B3GALT1: variants seen among roughly 807,000 people sequenced by gnomAD.
B3GALT1 encodes the protein beta-1,3-galactosyltransferase 1, also known as UDP-Gal:betaGlcNAc beta 1,3-galactosyltransferase, polypeptide 1.
Under a neutral mutation model 23.2 loss-of-function variants are expected in B3GALT1, and 10 were observed. The observed-to-expected ratio is 0.43, with a 90% CI of 0.27 to 0.73. B3GALT1 has a LOEUF of 0.73. Among genes scored for constraint, B3GALT1 ranks in the 30% least tolerant of loss-of-function variants. The probability of loss-of-function intolerance (pLI) is 0.21; values close to 1 mark genes in which losing one functional copy is unlikely to be tolerated. For synonymous variants in B3GALT1, 156 were observed against 141.5 expected, an observed-to-expected ratio of 1.10 and a Z score of -0.73; for missense variants, 299 against 405.4, an observed-to-expected ratio of 0.74 and a Z score of 2.25.
At position 167,869,549 on chromosome 2, in the gene B3GALT1, C is replaced by A; in HGVS notation, c.510C>A (p.Ala170=). 6.2e-7 allele frequency: 1 copy of A among 1,614,034 alleles called. No homozygotes were observed. Reference sequence around the variant, plus strand: ...GGGTGGCCACTTTTTGTTCAAAAGCCAAGTATGTCATGAAAACAGACAGCG... The same window carrying A: ...GGGTGGCCACTTTTTGTTCAAAAGCAAAGTATGTCATGAAAACAGACAGCG... ...MRWVATFCSK[A]KYVMKTDSDI... is the part of the protein sequence containing the mutation. The change falls in exon 5 of 5, where the codon GCC becomes GCA. Residue 170 remains alanine, a synonymous_variant. Coordinates refer to ENST00000392690, the MANE Select transcript of B3GALT1 (RefSeq NM_020981.4). The surrounding 1 kb of genome is among the most constrained non-coding windows in gnomAD (Gnocchi z 6.4).
chr2:167,828,841 A>G (rs1006599061), intron 4 of B3GALT1, among the ~76,000 whole-genome samples: 2 of 152,188 alleles, frequency 1.3e-5, no homozygotes, highest in East Asian at 3.9e-4. Context: ...TTCCAGGAGT[A>G]ATATGTGTGT....
At chr2:167,662,172 A>G (rs1686071430) in intron 3 of B3GALT1, among the ~76,000 whole-genome samples, 1 of 152,064 alleles carries the variant, frequency 6.6e-6, no homozygotes, top group Admixed American at 6.6e-5. Flanking sequence ...ATATTGTTAT[A>G]ATAACATTAT....
chr2:167,787,679 C>T (rs1574262443), intron 3 of B3GALT1, among the ~76,000 whole-genome samples: 1 of 152,212 alleles, frequency 6.6e-6, no homozygotes, highest in South Asian at 2.1e-4. Context: ...CCTATCCCAG[C>T]ACCATTCCAG....
At chr2:167,479,070 A>T (rs1444717183) in intron 1 of B3GALT1, among the ~76,000 whole-genome samples, 1 of 152,016 alleles carries the variant, frequency 6.6e-6, no homozygotes, top group Non-Finnish European at 1.5e-5. Context: ...GCTCAAAAAT[A>T]AATAAATAAG....
intron 3 of B3GALT1, chr2:167,714,042 G>A: frequency 1.9e-6 from 3 of 1,539,360 alleles, no homozygotes; most frequent in South Asian, 2.2e-5. Context: ...GATGAATCAG[G>A]CACATTTAAA....
At chr2:167,610,762 G>A (rs1685049073) in intron 2 of B3GALT1, among the ~76,000 whole-genome samples, 1 of 151,700 alleles carries the variant, frequency 6.6e-6, no homozygotes, top group South Asian at 2.1e-4. Context: ...CTAGTAGTGG[G>A]ACCAAAAAGA....
chr2:167,506,948 T>C (rs1448046839), intron 2 of B3GALT1, among the ~76,000 whole-genome samples: 1 of 152,140 alleles, frequency 6.6e-6, no homozygotes, highest in Non-Finnish European at 1.5e-5. Flanking sequence ...GGGACAAGAC[T>C]ATGGAAGCCT....
chr2:167,558,846 T>G (rs2105386490), intron 2 of B3GALT1, among the ~76,000 whole-genome samples: 1 of 152,328 alleles, frequency 6.6e-6, no homozygotes, highest in South Asian at 2.1e-4. Flanking sequence ...CAAGGAGGCC[T>G]GCCTGCCTCT....
At chr2:167,834,416 T>TTGGCTTGTCC (rs1400125115) in intron 4 of B3GALT1, among the ~76,000 whole-genome samples, 1 of 152,208 alleles carries the variant, frequency 6.6e-6, no homozygotes, top group Non-Finnish European at 1.5e-5. Flanking sequence ...TGGAGAAAGA[T>TTGGCTTGTCC]TGGCTTGTCC....
chr2:167,780,349 C>G (rs889038658), intron 3 of B3GALT1, among the ~76,000 whole-genome samples: 3 of 152,142 alleles, frequency 2.0e-5, no homozygotes, highest in African/African-American at 7.2e-5. Context: ...AGTGTGCTTT[C>G]AACAATCAAC....
At chr2:167,648,776 A>G (rs1330871372) in intron 3 of B3GALT1, among the ~76,000 whole-genome samples, 1 of 152,088 alleles carries the variant, frequency 6.6e-6, no homozygotes, top group Non-Finnish European at 1.5e-5. Flanking sequence ...GGTAGCCCCC[A>G]TTTAATTGCT....
intron 3 of B3GALT1, among the ~76,000 whole-genome samples, chr2:167,766,999 T>C (rs1396195077): frequency 2.6e-5 from 4 of 152,198 alleles, no homozygotes; most frequent in Non-Finnish European, 5.9e-5. Flanking sequence ...AGGATTGTAC[T>C]GGGAAAGGCA....
chr2:167,490,968 TAAAG>T (rs1354163500), intron 2 of B3GALT1, among the ~76,000 whole-genome samples: 2 of 152,162 alleles, frequency 1.3e-5, no homozygotes, highest in African/African-American at 2.4e-5. Context: ...AACAAAATGA[TAAAG>T]AAGCTCTTCC....
At position 167,847,168 on chromosome 2, in the gene B3GALT1, A is replaced by G. The variant is rs139395349; in HGVS notation, c.-229-21643A>G. Reference sequence around the variant, plus strand: ...AACACAATAATCATGGGGGATTTCAATACTCCACTGACAGCACTAGACAGG... The same window carrying G: ...AACACAATAATCATGGGGGATTTCAGTACTCCACTGACAGCACTAGACAGG... On this transcript the variant is annotated intron_variant, in intron 4 of 4. Transcript: ENST00000392690. Among the ~76,000 whole-genome samples the G allele has an allele frequency of 9.6e-3, 1,462 of 152,338 alleles. 40 individuals are homozygous for G. Among genetic ancestry groups the G allele is most frequent in the East Asian group, 0.055 (285 of 5,180 alleles).
At chr2:167,526,183 G>A (rs1683216774) in intron 2 of B3GALT1, among the ~76,000 whole-genome samples, 1 of 150,588 alleles carries the variant, frequency 6.6e-6, no homozygotes, top group Non-Finnish European at 1.5e-5. Context: ...CACAGAGTTA[G>A]GTAACACACA....
At chr2:167,621,819 G>C (rs1389738808) in intron 2 of B3GALT1, among the ~76,000 whole-genome samples, 1 of 151,988 alleles carries the variant, frequency 6.6e-6, no homozygotes, top group Admixed American at 6.6e-5. Context: ...TTGTGAAGAA[G>C]GACATGTTTG....
At chr2:167,615,522 C>G (rs938425093) in intron 2 of B3GALT1, among the ~76,000 whole-genome samples, 1 of 151,892 alleles carries the variant, frequency 6.6e-6, no homozygotes, top group East Asian at 1.9e-4. Flanking sequence ...TTAAAAATCA[C>G]TAGAAAAGTA....
intron 3 of B3GALT1, among the ~76,000 whole-genome samples, chr2:167,805,197 G>A (rs1409946506): frequency 6.6e-6 from 1 of 152,146 alleles, no homozygotes; most frequent in African/African-American, 2.4e-5. Flanking sequence ...TTGTAGATTT[G>A]TTTGAGTTCA....
chr2:167,455,547 T>G (rs1284130875), intron 1 of B3GALT1, among the ~76,000 whole-genome samples: 1 of 152,194 alleles, frequency 6.6e-6, no homozygotes, highest in Non-Finnish European at 1.5e-5. Context: ...GGAATTTCCC[T>G]GTGTCACCCA....
Sources: allele counts gnomAD v4.1 joint callset (sites outside exome capture counted in the v4.1 genomes callset), GRCh38; gene constraint gnomAD v4.1.1; non-coding constraint Gnocchi (gnomAD v3.1); transcripts MANE v1.5; gene names NCBI Gene and HGNC (gene_info 2026-07-23, HGNC 2026-07-21).